The following RAMP3 variants were observed in gnomAD, a reference collection of about 807,000 sequenced individuals.
RAMP3 encodes the protein receptor activity modifying protein 3.
A neutral mutation model predicts 13.5 loss-of-function variants in RAMP3; 14 were observed. The observed-to-expected ratio is 1.04, with a 90% CI of 0.69 to 1.63. The LOEUF (loss-of-function observed/expected upper bound fraction) is 1.63, where lower values mean the gene tolerates loss of function less well. Among genes scored for constraint, RAMP3 ranks in the 40% most tolerant of loss-of-function variants. The probability of loss-of-function intolerance (pLI) is 0.00; values close to 1 mark genes in which losing one functional copy is unlikely to be tolerated. For missense variants in RAMP3, 200 were observed against 204.8 expected (o/e 0.98, Z 0.14); for synonymous variants, 106 against 88.3 (o/e 1.20, Z -1.12).
intron 1 of RAMP3, among the ~76,000 whole-genome samples, chr7:45,174,472 G>A (rs575330189): frequency 6.6e-6 from 1 of 152,266 alleles, no homozygotes; most frequent in South Asian, 2.1e-4. Context: ...TGGGCACCTG[G>A]ACCCATCTTG....
rs774953423 is a variant in RAMP3 at position 45,183,440 on chromosome 7, A to ACTT, written c.*29_*30insTTC. The ACTT allele has an allele frequency of 6.2e-7, 1 of 1,603,632 alleles. No individual in the cohort carries two copies. Among genetic ancestry groups the ACTT allele is most frequent in the Admixed American group, 1.7e-5 (1 of 59,960 alleles). On this transcript the variant is annotated 3_prime_UTR_variant, in exon 3 of 3. Transcript: ENST00000242249. ...GTCCCGGTGAGATGGAGTGGGTCACACCTGGCAAGCTGGAAGAAAGTTCCC... is the reference window on the plus strand; with the variant it reads ...GTCCCGGTGAGATGGAGTGGGTCACACTTCCTGGCAAGCTGGAAGAAAGTTCCC...
At chr7:45,174,979 T>G (rs1034165786) in intron 1 of RAMP3, among the ~76,000 whole-genome samples, 14 of 152,194 alleles carry the variant, frequency 9.2e-5, no homozygotes, top group Non-Finnish European at 1.5e-5. Flanking sequence ...ACCATCTCCA[T>G]GTGCAGACCC....
intron 1 of RAMP3, among the ~76,000 whole-genome samples, chr7:45,174,399 C>T (rs1289739240): frequency 6.6e-6 from 1 of 152,216 alleles, no homozygotes; most frequent in South Asian, 2.1e-4. Flanking sequence ...TGTCCCCACA[C>T]TGGCTGCTGT....
At chr7:45,177,696 C>T (rs1786221813) in intron 2 of RAMP3, among the ~76,000 whole-genome samples, 1 of 152,184 alleles carries the variant, frequency 6.6e-6, no homozygotes, top group African/African-American at 2.4e-5. Context: ...CACTCACGGC[C>T]CCGCCCATGC....
intron 1 of RAMP3, chr7:45,163,266 C>G (rs1262562235): frequency 1.0e-6 from 1 of 985,424 alleles, no homozygotes; most frequent in Non-Finnish European, 1.2e-6. Flanking sequence ...AGGGATAGAG[C>G]CCCCAAGCCT....
At position 45,183,414 on chromosome 7, in the gene RAMP3, G is replaced by A. The variant is rs202066316; in HGVS notation, c.*2G>A. ...AAACGCACCGACACGCTGCTGTGAGGGTCCCGGTGAGATGGAGTGGGTCAC... is the reference window on the plus strand; with the variant it reads ...AAACGCACCGACACGCTGCTGTGAGAGTCCCGGTGAGATGGAGTGGGTCAC... On this transcript the variant is annotated 3_prime_UTR_variant, in exon 3 of 3. Transcript: ENST00000242249. The A allele has an allele frequency of 6.2e-7, 1 of 1,611,404 alleles. No homozygotes were observed. Among genetic ancestry groups the A allele is most frequent in the Non-Finnish European group, 8.5e-7 (1 of 1,179,786 alleles).
At chr7:45,171,160 CT>C (rs1277484814) in intron 1 of RAMP3, among the ~76,000 whole-genome samples, 1,601 of 143,040 alleles carry the variant, frequency 0.011, 29 homozygotes, top group African/African-American at 0.036. Context: ...TTCCTTCTTT[CT>C]TTTTTTTTTT....
chr7:45,176,397 C>CAA (rs1393833674), intron 1 of RAMP3, among the ~76,000 whole-genome samples: 1 of 151,616 alleles, frequency 6.6e-6, no homozygotes, highest in Non-Finnish European at 1.5e-5. Flanking sequence ...TACACACACA[C>CAA]ACACACACAC....
At chr7:45,161,600 G>A (rs1345456394) in intron 1 of RAMP3, among the ~76,000 whole-genome samples, 1 of 151,742 alleles carries the variant, frequency 6.6e-6, no homozygotes, top group South Asian at 2.1e-4. Context: ...CCAAGAAGAG[G>A]AGGAAGGAAG....
At chr7:45,163,899 G>A (rs1263991476) in intron 1 of RAMP3, 18 of 984,820 alleles carry the variant, frequency 1.8e-5, no homozygotes, top group Non-Finnish European at 2.2e-5. Flanking sequence ...GCCAGCTTCA[G>A]TCCTGGCTGA....
At chr7:45,164,045 C>T (rs1257876614) in intron 1 of RAMP3, among the ~76,000 whole-genome samples, 1 of 152,202 alleles carries the variant, frequency 6.6e-6, no homozygotes, top group Non-Finnish European at 1.5e-5. Flanking sequence ...CATCCTGCTC[C>T]AACCTTGCCC....
intron 1 of RAMP3, among the ~76,000 whole-genome samples, chr7:45,173,394 G>A (rs933779763): frequency 6.6e-6 from 1 of 152,200 alleles, no homozygotes; most frequent in Admixed American, 6.5e-5. Flanking sequence ...TGTGGGTGGT[G>A]CCCAGGTGTC....
intron 1 of RAMP3, chr7:45,163,687 C>G: frequency 1.0e-6 from 1 of 985,388 alleles, no homozygotes; most frequent in Non-Finnish European, 1.2e-6. Flanking sequence ...CAGAATCACT[C>G]TTTTTTACAG....
rs140252904 is a variant in RAMP3 at position 45,181,063 on chromosome 7, G to A, written c.192-2094G>A. 2.3e-4 allele frequency among the ~76,000 whole-genome samples: 35 copies of A among 152,352 alleles called. No individual in the cohort carries two copies. In the East Asian group the frequency reaches 4.6e-3, roughly 20 times the overall value. ...CACCCCATGACCTCCTCTGTGCCAG[G>A]CACTTGCTGGGGCACATGGACCTCA... On this transcript the variant is annotated intron_variant, in intron 2 of 2. Transcript: ENST00000242249.
At chr7:45,163,823 G>T in intron 1 of RAMP3, 1 of 985,356 alleles carries the variant, frequency 1.0e-6, no homozygotes, top group Non-Finnish European at 1.2e-6. Context: ...AGGGTGGCAC[G>T]GTCAAGCTTC....
chr7:45,167,227 G>A (rs1475486637), intron 1 of RAMP3, among the ~76,000 whole-genome samples: 1 of 149,690 alleles, frequency 6.7e-6, no homozygotes. Context: ...AAAGTGCTGG[G>A]ATTACAGGCG....
At chr7:45,168,841 T>C (rs1362035668) in intron 1 of RAMP3, among the ~76,000 whole-genome samples, 1 of 152,236 alleles carries the variant, frequency 6.6e-6, no homozygotes, top group Non-Finnish European at 1.5e-5. Context: ...CCTGGCATCC[T>C]TGTTTTGTTC....
At chr7:45,158,390 G>A (rs1785801841) in intron 1 of RAMP3, among the ~76,000 whole-genome samples, 1 of 152,206 alleles carries the variant, frequency 6.6e-6, no homozygotes, top group Non-Finnish European at 1.5e-5. Flanking sequence ...ACGCCTGTGT[G>A]TGTCCTGGAA....
rs567332491 is a variant in RAMP3, at chr7:45,164,276, C to T, written c.58+6390C>T. On this transcript the variant is annotated intron_variant, in intron 1 of 2. Transcript: ENST00000242249. Reference sequence around the variant, plus strand: ...GTATTCTCCAATTATCTGCTGGGTGCGGTGGCTCATGCCTGTAATTCCAGC... The same window carrying T: ...GTATTCTCCAATTATCTGCTGGGTGTGGTGGCTCATGCCTGTAATTCCAGC... 1.1e-4 allele frequency among the ~76,000 whole-genome samples: 17 copies of T among 152,282 alleles called. No homozygotes were observed. In the East Asian group the frequency reaches 1.5e-3, roughly 14 times the overall value.
Sources: allele counts gnomAD v4.1 joint callset (sites outside exome capture counted in the v4.1 genomes callset), GRCh38; gene constraint gnomAD v4.1.1; transcripts MANE v1.5; gene names NCBI Gene and HGNC (gene_info 2026-07-23, HGNC 2026-07-21).